The following KCNB2 variants were observed in gnomAD, a reference collection of about 807,000 sequenced individuals.
KCNB2 encodes the protein delayed rectifier potassium channel protein.
KCNB2 carries 15 observed loss-of-function variants against 61.5 expected under a neutral mutation model. The ratio of observed to expected loss-of-function variants is 0.24; its 90% CI spans 0.16 to 0.38. KCNB2 has a LOEUF of 0.38. Among genes scored for constraint, KCNB2 ranks in the 10% least tolerant of loss-of-function variants. KCNB2 has a pLI of 1.00. For missense variants in KCNB2, 828 were observed against 1,125.2 expected, an observed-to-expected ratio of 0.74 and a Z score of 3.78; for synonymous variants, 457 against 446.0, an observed-to-expected ratio of 1.02 and a Z score of -0.31.
Position 72,883,975 on chromosome 8 carries a change from T to C in KCNB2, c.580-51960T>C, listed in dbSNP as rs145098959. Among the ~76,000 whole-genome samples, 4 of 152,348 alleles carry C rather than the reference T, an allele frequency of 2.6e-5. No individual in the cohort carries two copies. In the East Asian group the frequency reaches 7.7e-4, roughly 29 times the overall value. On this transcript the variant is annotated intron_variant, in intron 2 of 2. Coordinates refer to ENST00000523207, the MANE Select transcript of KCNB2 (RefSeq NM_004770.3). ...ATTGCAAATCACAATTGCAGCACTT[T>C]TTTACCTTTATTTTGTTGCCAATTC...
chr8:72,733,891 C>T (rs1042864861), intron 2 of KCNB2, among the ~76,000 whole-genome samples: 9 of 152,118 alleles, frequency 5.9e-5, no homozygotes, highest in Non-Finnish European at 1.0e-4. Context: ...TTGAAGTGAA[C>T]TAAATCTGTG....
In KCNB2 at chr8:72,695,900, C is replaced by G. The variant is rs140108847; in HGVS notation, c.579+127587C>G. On this transcript the variant is annotated intron_variant, in intron 2 of 2. Transcript: ENST00000523207. Reference sequence around the variant, plus strand: ...GCATCTGTTATGTATTTTCCAAGACCTCTTGCAAATCTGGTATTAGTTGCA... The same window carrying G: ...GCATCTGTTATGTATTTTCCAAGACGTCTTGCAAATCTGGTATTAGTTGCA... Among the ~76,000 whole-genome samples, 321 of 152,276 alleles carry G rather than the reference C, an allele frequency of 2.1e-3. 3 individuals are homozygous for G. Among genetic ancestry groups the G allele is most frequent in the African/African-American group, 7.3e-3 (302 of 41,550 alleles).
intron 2 of KCNB2, among the ~76,000 whole-genome samples, chr8:72,712,565 C>G (rs997511296): frequency 3.3e-5 from 5 of 152,166 alleles, no homozygotes; most frequent in Admixed American, 3.3e-4. Context: ...AGTCAGTGGT[C>G]CAAGCTTTAC....
chr8:72,769,840 C>T (rs1211734005), intron 2 of KCNB2, among the ~76,000 whole-genome samples: 1 of 152,138 alleles, frequency 6.6e-6, no homozygotes, highest in Non-Finnish European at 1.5e-5. Context: ...GATCTAGCAT[C>T]ACTGACCAAG....
intron 2 of KCNB2, among the ~76,000 whole-genome samples, chr8:72,762,807 G>T (rs557302696): frequency 6.6e-5 from 10 of 151,044 alleles, no homozygotes; most frequent in African/African-American, 2.4e-4. Context: ...CTCCATTTGA[G>T]CACTGAAAAG....
chr8:72,727,112 G>C (rs1807663865), intron 2 of KCNB2, among the ~76,000 whole-genome samples: 1 of 152,180 alleles, frequency 6.6e-6, no homozygotes, highest in Admixed American at 6.6e-5. Flanking sequence ...TCTTTAACAA[G>C]TAGAAGCAGA....
chr8:72,770,286 C>A (rs139514114), intron 2 of KCNB2, among the ~76,000 whole-genome samples: 291 of 152,242 alleles, frequency 1.9e-3, no homozygotes, highest in African/African-American at 6.7e-3. Context: ...CCCCATGTGC[C>A]ATCTGTGTCC....
chr8:72,889,253 A>G (rs1193717561), intron 2 of KCNB2, among the ~76,000 whole-genome samples: 4 of 152,208 alleles, frequency 2.6e-5, no homozygotes, highest in Non-Finnish European at 5.9e-5. Context: ...ACAGCTAAAA[A>G]GACATACTTA....
intron 2 of KCNB2, among the ~76,000 whole-genome samples, chr8:72,740,290 A>G (rs1401089258): frequency 6.6e-6 from 1 of 152,184 alleles, no homozygotes; most frequent in Non-Finnish European, 1.5e-5. Flanking sequence ...TCATTCCTGT[A>G]ACAGATTCAG....
intron 2 of KCNB2, among the ~76,000 whole-genome samples, chr8:72,889,592 C>G (rs895227823): frequency 1.3e-5 from 2 of 152,000 alleles, no homozygotes; most frequent in Admixed American, 1.3e-4. Flanking sequence ...GAGGCTGAGG[C>G]AGAAGGATCA....
At chr8:72,801,883 T>C (rs1251102076) in intron 2 of KCNB2, among the ~76,000 whole-genome samples, 1 of 152,160 alleles carries the variant, frequency 6.6e-6, no homozygotes, top group Non-Finnish European at 1.5e-5. Context: ...TTTTCAATTT[T>C]ACACATTTGC....
At chr8:72,832,377 G>A (rs17187747) in intron 2 of KCNB2, among the ~76,000 whole-genome samples, 79,117 of 151,950 alleles carry the variant, frequency 0.52, 21,217 homozygotes, top group Non-Finnish European at 0.59. Flanking sequence ...GAAAATTATG[G>A]GTGACTCTTG....
At chr8:72,736,647 AC>A (rs1379591894) in intron 2 of KCNB2, among the ~76,000 whole-genome samples, 1 of 151,992 alleles carries the variant, frequency 6.6e-6, no homozygotes, top group African/African-American at 2.4e-5. Flanking sequence ...CTCTTTCAGC[AC>A]CCCCGCTTCA....
rs1807740317 is a variant in KCNB2, at chr8:72,731,699, C to CA, written c.579+163387dup. On this transcript the variant is annotated intron_variant, in intron 2 of 2. Transcript: ENST00000523207. ...CTCAGGCAATGTGGAATGCTAAGGC[C>CA]ACTCCTCTCAGGACAACAATGAGAA... Among the ~76,000 whole-genome samples the CA allele has an allele frequency of 1.3e-5, 2 of 152,194 alleles. 1 individual carries two copies. The highest frequency in any genetic ancestry group is 4.1e-4 in the South Asian group (2 of 4,826).
chr8:72,661,513 G>C (rs1318674160), intron 2 of KCNB2: 1 of 152,148 alleles, frequency 6.6e-6, no homozygotes, highest in Non-Finnish European at 1.5e-5. Context: ...ATTTGACGTA[G>C]TCATTTAAAC....
At chr8:72,845,410 G>A (rs191366580) in intron 2 of KCNB2, among the ~76,000 whole-genome samples, 1 of 152,364 alleles carries the variant, frequency 6.6e-6, no homozygotes, top group Non-Finnish European at 1.5e-5. Context: ...CAGGAGGCAT[G>A]AGGGTCAGGG....
At chr8:72,918,608 A>G (rs2981090) in intron 2 of KCNB2, among the ~76,000 whole-genome samples, 99,083 of 152,078 alleles carry the variant, frequency 0.65, 33,667 homozygotes, top group African/African-American at 0.76. Flanking sequence ...TTCTAAACTA[A>G]TTTATAAATA....
At chr8:72,861,684 C>A (rs1019952300) in intron 2 of KCNB2, among the ~76,000 whole-genome samples, 1 of 152,188 alleles carries the variant, frequency 6.6e-6, no homozygotes, top group Non-Finnish European at 1.5e-5. Flanking sequence ...AAAGGAAATT[C>A]TCAATCGGCC....
chr8:72,802,172 A>T (rs1473723884), intron 2 of KCNB2, among the ~76,000 whole-genome samples: 2 of 152,204 alleles, frequency 1.3e-5, no homozygotes, highest in Non-Finnish European at 2.9e-5. Context: ...GTTACGTTCT[A>T]CCACAGAGCT....
Sources: allele counts gnomAD v4.1 joint callset (sites outside exome capture counted in the v4.1 genomes callset), GRCh38; gene constraint gnomAD v4.1.1; transcripts MANE v1.5; gene names NCBI Gene and HGNC (gene_info 2026-07-23, HGNC 2026-07-21).